The following ABCG2 variants were observed in gnomAD, a reference collection of about 807,000 sequenced individuals.
ABCG2 encodes broad substrate specificity ATP-binding cassette transporter ABCG2.
A neutral mutation model predicts 73.5 loss-of-function variants in ABCG2; 80 were observed. That is an observed-to-expected ratio of 1.09 (90% confidence interval 0.91 to 1.31). The LOEUF is 1.31. Ranked by LOEUF, ABCG2 falls within the 50% of genes most tolerant of loss-of-function variation. The probability of loss-of-function intolerance (pLI) is 0.00; values close to 1 mark genes in which losing one functional copy is unlikely to be tolerated. For synonymous variants in ABCG2, 269 were observed against 282.4 expected (o/e 0.95, Z 0.48); for missense variants, 796 against 786.2 (o/e 1.01, Z -0.15).
intron 1 of ABCG2, among the ~76,000 whole-genome samples, chr4:88,215,591 T>C (rs1227187563): frequency 6.6e-6 from 1 of 152,186 alleles, no homozygotes; most frequent in African/African-American, 2.4e-5. Context: ...AGTGAAAATG[T>C]GTGCTTTCAT....
intron 10 of ABCG2, among the ~76,000 whole-genome samples, chr4:88,105,722 C>T (rs1457522933): frequency 6.6e-6 from 1 of 152,130 alleles, no homozygotes; most frequent in Non-Finnish European, 1.5e-5. Context: ...AATGTTTATG[C>T]ATCAAAGGAC....
intron 2 of ABCG2, among the ~76,000 whole-genome samples, chr4:88,133,114 C>A (rs1264434707): frequency 1.3e-5 from 2 of 152,222 alleles, no homozygotes; most frequent in Admixed American, 1.3e-4. Flanking sequence ...CTCCGTTACA[C>A]TTACTGCTCT....
At chr4:88,159,881 T>C (rs993546958), upstream of ABCG2, among the ~76,000 whole-genome samples, 2 of 152,246 alleles carry the variant, frequency 1.3e-5, no homozygotes, top group Admixed American at 1.3e-4. Context: ...TTCTTTTGAA[T>C]TAATTTCTGT....
intron 1 of ABCG2, among the ~76,000 whole-genome samples, chr4:88,226,270 C>A (rs919039638): frequency 6.6e-6 from 1 of 152,218 alleles, no homozygotes; most frequent in Non-Finnish European, 1.5e-5. Context: ...CTTTTCATCA[C>A]TGTCAGAGTC....
At chr4:88,211,357 T>TAC (rs1560460419) in intron 1 of ABCG2, among the ~76,000 whole-genome samples, 3 of 18,910 alleles carry the variant, frequency 1.6e-4, no homozygotes, top group Non-Finnish European at 3.6e-4. Flanking sequence ...GTTCAACCCC[T>TAC]GCCCCACCCC....
chr4:88,173,503 G>A (rs1315763100), intron 1 of ABCG2, among the ~76,000 whole-genome samples: 1 of 152,082 alleles, frequency 6.6e-6, no homozygotes, highest in East Asian at 1.9e-4. Flanking sequence ...ACTTCCATTA[G>A]GAAGCTCCGA....
chr4:88,147,697 G>T (rs1726152941), intron 1 of ABCG2, among the ~76,000 whole-genome samples: 1 of 152,146 alleles, frequency 6.6e-6, no homozygotes, highest in Non-Finnish European at 1.5e-5. Flanking sequence ...GTTAGCACTA[G>T]CAAGATAAAG....
intron 1 of ABCG2, among the ~76,000 whole-genome samples, chr4:88,142,418 A>T (rs992585082): frequency 6.6e-6 from 1 of 152,204 alleles, no homozygotes; most frequent in Non-Finnish European, 1.5e-5. Context: ...ATCCAGAAAC[A>T]TAATCATATT....
chr4:88,186,788 G>A (rs1425761048), intron 1 of ABCG2, among the ~76,000 whole-genome samples: 6 of 150,002 alleles, frequency 4.0e-5, no homozygotes, highest in Admixed American at 1.3e-4. Flanking sequence ...GCGTAGTGGC[G>A]GGCGCCTGTA....
upstream of ABCG2, among the ~76,000 whole-genome samples, chr4:88,160,140 C>A (rs1727226028): frequency 1.3e-5 from 2 of 151,642 alleles, no homozygotes; most frequent in South Asian, 4.2e-4. Flanking sequence ...ACTCGCGAGG[C>A]TAAGGAACAA....
rs561178366 is a variant in ABCG2 at position 88,153,096 on chromosome 4, G to A, written c.-20+5290C>T. ...ATCCAATTAGAGAGTGCCTAAGGAGGTTCAGCATAGCCCTGCCAGCAAAGA... is the reference window on the plus strand; with the variant it reads ...ATCCAATTAGAGAGTGCCTAAGGAGATTCAGCATAGCCCTGCCAGCAAAGA... On this transcript the variant is annotated intron_variant, in intron 1 of 15. Coordinates refer to ENST00000237612, the MANE Select transcript of ABCG2 (RefSeq NM_004827.3). 1.9e-3 allele frequency among the ~76,000 whole-genome samples: 287 copies of A among 152,282 alleles called. 1 individual carries two copies. Among genetic ancestry groups the A allele is most frequent in the African/African-American group, 5.4e-3 (224 of 41,550 alleles).
chr4:88,131,159 C>G lies in ABCG2; in HGVS notation c.433G>C (p.Ala145Pro), dbSNP rs947226023. ...TVRENLQFSA[A>P]LRLATTMTNH... ...GTCATAGTTGTTGCAAGCCGAAGAG[C>G]TGCTGAGAACTGTAAGTTTTCTCTC... Residue 145 changes from alanine (A) to proline (P), a missense_variant, in exon 5 of 16, where the codon GCT (alanine) becomes CCT (proline). Ala to Pro is a conservative substitution (Grantham distance 27). Transcript: ENST00000237612. 3.7e-6 allele frequency: 6 copies of G among 1,613,942 alleles called. No homozygotes were observed. The African/African-American group carries it at 8.0e-5, about 22-fold the overall frequency.
chr4:88,121,615 A>C lies in ABCG2; in HGVS notation c.689+20T>G, dbSNP rs957174490. The C allele has an allele frequency of 6.2e-7, 1 of 1,610,546 alleles. No homozygotes were observed. Among genetic ancestry groups the C allele is most frequent in the Non-Finnish European group, 8.5e-7 (1 of 1,178,248 alleles). ...AGTGATAAGATATTAACTAAAGAAT[A>C]ATGTTTCCAGAGCATTTACCTTTTC... is the stretch of plus-strand genomic sequence containing the variant. On this transcript the variant is annotated intron_variant, in intron 6 of 15. Transcript: ENST00000237612.
At chr4:88,206,287 AAAAAAATAAATG>A (rs1424447588) in intron 1 of ABCG2, 1 of 152,172 alleles carries the variant, frequency 6.6e-6, no homozygotes, top group Non-Finnish European at 1.5e-5. Flanking sequence ...ACCCTGTCTT[AAAAAAATAAATG>A]AATCAAGTCC....
intron 4 of ABCG2, 87 bp downstream of exon 4, chr4:88,131,716 C>G: frequency 2.2e-6 from 2 of 910,510 alleles, no homozygotes; most frequent in Admixed American, 2.2e-5. Flanking sequence ...GTCACATAAT[C>G]AACTGGAAGC....
intron 1 of ABCG2, among the ~76,000 whole-genome samples, chr4:88,157,978 A>T (rs1214096836): frequency 2.6e-5 from 4 of 152,244 alleles, no homozygotes; most frequent in Non-Finnish European, 4.4e-5. Flanking sequence ...TCATTTACCT[A>T]TTCCCAATTG....
chr4:88,159,249 G>T (rs45604438), upstream of ABCG2: 4,178 of 455,454 alleles, frequency 9.2e-3, 101 homozygotes, highest in African/African-American at 0.064. Flanking sequence ...TGGCCGGAGC[G>T]CCGAAGCACC....
intron 13 of ABCG2, 141 bp from the exon 14 acceptor site, chr4:88,095,750 C>G: frequency 1.5e-6 from 1 of 657,524 alleles, no homozygotes; most frequent in Non-Finnish European, 2.7e-6. Flanking sequence ...TCCACTTACT[C>G]AAGACACTCA....
At chr4:88,163,746 G>A (rs574296451), upstream of ABCG2, 22 of 416,634 alleles carry the variant, frequency 5.3e-5, no homozygotes, top group East Asian at 1.6e-3. Context: ...CCATGAAGGA[G>A]ATGGGAACTC....
Sources: allele counts gnomAD v4.1 joint callset (sites outside exome capture counted in the v4.1 genomes callset), GRCh38; gene constraint gnomAD v4.1.1; transcripts MANE v1.5; gene names NCBI Gene and HGNC (gene_info 2026-07-23, HGNC 2026-07-21).